SAMD8: variants seen among roughly 807,000 people sequenced by gnomAD.
SAMD8 encodes sterile alpha motif domain containing 8, also known as sphingomyelin synthase-related protein 1.
In SAMD8, 20 loss-of-function variants were observed where a neutral mutation model predicts 42.0. That is an observed-to-expected ratio of 0.48 (90% CI 0.34 to 0.69). The LOEUF is 0.69. Ranked by LOEUF, SAMD8 falls within the 30% of genes least tolerant of loss-of-function variation. SAMD8 has a pLI of 0.01. For synonymous variants in SAMD8, 162 were observed against 173.0 expected, an observed-to-expected ratio of 0.94 and a Z score of 0.50; for missense variants, 328 against 511.6, an observed-to-expected ratio of 0.64 and a Z score of 3.46.
chr10:75,129,822 A>ATTT (rs1849234295), intron 1 of SAMD8, among the ~76,000 whole-genome samples: 2 of 152,212 alleles, frequency 1.3e-5, no homozygotes, highest in Non-Finnish European at 1.5e-5. Context: ...GGAAATAAAC[A>ATTT]ACTAGGTAAA....
chr10:75,158,166 A>G (rs994950516), intron 2 of SAMD8, among the ~76,000 whole-genome samples: 1 of 152,104 alleles, frequency 6.6e-6, no homozygotes, highest in African/African-American at 2.4e-5. Flanking sequence ...TCTCAAAAAA[A>G]AAAGAAAAAA....
In SAMD8 at chr10:75,157,668, C is replaced by T. The variant is rs150645649; in HGVS notation, c.578+6562C>T. Among the ~76,000 whole-genome samples the T allele has an allele frequency of 2.8e-3, 420 of 152,280 alleles. 16 individuals carry two copies. The highest frequency in any genetic ancestry group is 2.2e-3 in the Non-Finnish European group (153 of 68,022). ...TGAATAGACTTGTGTAATGCATTAG[C>T]AGCACTTAATGGTCTCCTTGAGGTT... On this transcript the variant is annotated intron_variant, in intron 2 of 5. Transcript: ENST00000542569.
intron 1 of SAMD8, among the ~76,000 whole-genome samples, chr10:75,114,332 C>CA (rs34696129): frequency 0.26 from 35,267 of 134,530 alleles, 4,819 homozygotes; most frequent in East Asian, 0.57. Flanking sequence ...TGATATGTCT[C>CA]AAAAAAAAAA....
chr10:75,161,645 A>G (rs1020658520), intron 2 of SAMD8, among the ~76,000 whole-genome samples: 2 of 152,184 alleles, frequency 1.3e-5, no homozygotes, highest in African/African-American at 4.8e-5. Flanking sequence ...GAGATGTTGC[A>G]TTCTATGTGA....
chr10:75,133,007 G>A (rs531538483), intron 1 of SAMD8, among the ~76,000 whole-genome samples: 2 of 152,140 alleles, frequency 1.3e-5, no homozygotes, highest in South Asian at 4.2e-4. Flanking sequence ...AATAAAGAAA[G>A]AAAAAGGCAG....
upstream of SAMD8, chr10:75,108,208 C>T: frequency 6.3e-7 from 1 of 1,597,244 alleles, no homozygotes; most frequent in Admixed American, 1.7e-5. Context: ...TTTGCCGTGG[C>T]CCTGGGGAGG....
chr10:75,106,992 C>A (rs1326488877), upstream of SAMD8, among the ~76,000 whole-genome samples: 1 of 152,198 alleles, frequency 6.6e-6, no homozygotes, highest in African/African-American at 2.4e-5. Flanking sequence ...CCTCCCTGGG[C>A]TCCTATGCTG....
In SAMD8 at chr10:75,116,955, G is replaced by A. The variant is rs1481015566; in HGVS notation, c.-16+5233G>A. Among the ~76,000 whole-genome samples the A allele has an allele frequency of 1.3e-4, 19 of 151,938 alleles. 1 individual carries two copies. The highest frequency in any genetic ancestry group is 9.7e-4 in the East Asian group (5 of 5,146). On this transcript the variant is annotated intron_variant, in intron 1 of 5. Coordinates refer to ENST00000542569, the MANE Select transcript of SAMD8 (RefSeq NM_001174156.2). ...CTCCCCAGTAGCTGGGATTACAGGC[G>A]CGTGCCACCATGCTCGGCTAATTTT...
intron 1 of SAMD8, among the ~76,000 whole-genome samples, chr10:75,133,292 A>G (rs1489928931): frequency 6.6e-6 from 1 of 152,004 alleles, no homozygotes; most frequent in Admixed American, 6.6e-5. Flanking sequence ...AGCCCCAGCT[A>G]CTTGGGAGGC....
At chr10:75,123,889 A>T (rs1429214961) in intron 1 of SAMD8, among the ~76,000 whole-genome samples, 1 of 151,770 alleles carries the variant, frequency 6.6e-6, no homozygotes, top group East Asian at 1.9e-4. Flanking sequence ...CACCGCGCCC[A>T]GGTAATTTTT....
At chr10:75,108,519 T>G (rs1254046541), upstream of SAMD8, among the ~76,000 whole-genome samples, 1 of 152,150 alleles carries the variant, frequency 6.6e-6, no homozygotes, top group Non-Finnish European at 1.5e-5. Context: ...TGCCCCTCCC[T>G]TCTTGCCCCA....
intron 1 of SAMD8, among the ~76,000 whole-genome samples, chr10:75,141,688 C>A (rs1227543101): frequency 9.9e-5 from 15 of 151,764 alleles, no homozygotes; most frequent in Non-Finnish European, 5.9e-5. Flanking sequence ...ACTACAGGTG[C>A]CTGCCACCAT....
In SAMD8 at chr10:75,151,235, G is replaced by A. The variant is rs973423872; in HGVS notation, c.578+129G>A. 10 of 477,276 alleles carry A rather than the reference G, an allele frequency of 2.1e-5. 1 individual carries two copies. Among genetic ancestry groups the A allele is most frequent in the Non-Finnish European group, 2.1e-5 (6 of 286,814 alleles). 29.6% of individuals were successfully genotyped at this position (477,276 alleles called of 1,614,324 possible). A position where few individuals can be genotyped will look rare whatever the true frequency, so the allele number is the denominator to read the frequency against. On this transcript the variant is annotated intron_variant, in intron 2 of 5. Coordinates refer to ENST00000542569, the MANE Select transcript of SAMD8 (RefSeq NM_001174156.2). ...ATACTTTCCATTTGCTTTATCTGGC[G>A]GTATAAAATGCTTTGAAATTACCTT...
intron 3 of SAMD8, among the ~76,000 whole-genome samples, chr10:75,165,409 G>C (rs1840650398): frequency 6.6e-6 from 1 of 152,036 alleles, no homozygotes; most frequent in South Asian, 2.1e-4. Flanking sequence ...GGTGGCTCAT[G>C]CCTGTAATCC....
intron 1 of SAMD8, among the ~76,000 whole-genome samples, chr10:75,138,958 C>CTT (rs201911661): frequency 7.4e-4 from 99 of 133,336 alleles, no homozygotes; most frequent in Middle Eastern, 3.7e-3. Context: ...GTGGTTTTTT[C>CTT]TTTTTTTTTT....
intron 1 of SAMD8, among the ~76,000 whole-genome samples, chr10:75,103,372 T>TCAGA (rs1848299260): frequency 6.6e-6 from 1 of 151,902 alleles, no homozygotes; most frequent in African/African-American, 2.4e-5. Context: ...GAGCAGGTCT[T>TCAGA]CAGACAGCCC....
upstream of SAMD8, among the ~76,000 whole-genome samples, chr10:75,107,766 G>A (rs1391831244): frequency 2.6e-5 from 4 of 152,156 alleles, no homozygotes; most frequent in Admixed American, 6.5e-5. Flanking sequence ...TAGTAGAGAC[G>A]AGGTTTCACC....
rs1451493347 is a variant in SAMD8, at chr10:75,176,557, A to G, written c.1113A>G (p.Ala371=). The G allele has an allele frequency of 2.6e-6, 4 of 1,550,650 alleles. No individual in the cohort carries two copies. The South Asian group carries it at 4.8e-5, about 18-fold the overall frequency. ...ACCATACTCTGGCCAATACCAGAGC[A>G]TATCAGCAGAGTAGGAGAGCAAGGA... ...LYYHTLANTR[A]YQQSRRARIW... The change falls in exon 6 of 6, where the codon GCA becomes GCG. Residue 371 remains alanine (A), a synonymous_variant. Transcript: ENST00000542569. This position sits in a 1 kb window ranked among gnomAD's most constrained non-coding sequence, Gnocchi z 4.3.
chr10:75,174,381 G>A (rs561492756), intron 4 of SAMD8, among the ~76,000 whole-genome samples: 1 of 151,308 alleles, frequency 6.6e-6, no homozygotes, highest in South Asian at 2.1e-4. Context: ...CACCCACCTC[G>A]GCCTCCCAAA....
Sources: gnomAD v4.1 joint callset for allele counts (sites outside exome capture counted in the v4.1 genomes callset) on GRCh38, gnomAD v4.1.1 for gene constraint, Gnocchi (gnomAD v3.1) non-coding constraint, MANE v1.5 for transcripts, NCBI Gene and HGNC (gene_info 2026-07-23, HGNC 2026-07-21) for gene names.